UBE2O: variants seen among roughly 807,000 people sequenced by gnomAD.
UBE2O encodes (E3-independent) E2 ubiquitin-conjugating enzyme.
A neutral mutation model predicts 125.8 loss-of-function variants in UBE2O; 15 were observed. The ratio of observed to expected loss-of-function variants is 0.12; its 90% CI spans 0.08 to 0.18. UBE2O has a LOEUF of 0.18. UBE2O is among the 10% of genes least tolerant of loss of function. UBE2O has a pLI of 1.00. For synonymous variants in UBE2O, 708 were observed against 703.2 expected, an observed-to-expected ratio of 1.01 and a Z score of -0.11; for missense variants, 1,280 against 1,723.6, an observed-to-expected ratio of 0.74 and a Z score of 4.56.
intron 1 of UBE2O, among the ~76,000 whole-genome samples, chr17:76,415,575 C>A (rs528579933): frequency 6.6e-6 from 1 of 152,122 alleles, no homozygotes; most frequent in Admixed American, 6.5e-5. Context: ...GAGGGCAAGG[C>A]GGTTGGATCA....
intron 1 of UBE2O, among the ~76,000 whole-genome samples, chr17:76,440,374 A>C (rs1339516796): frequency 6.6e-6 from 1 of 152,190 alleles, no homozygotes; most frequent in African/African-American, 2.4e-5. Flanking sequence ...CCTAGGCTTA[A>C]GGGCAATGGG....
intron 1 of UBE2O, among the ~76,000 whole-genome samples, chr17:76,445,879 G>T (rs538570102): frequency 6.6e-6 from 1 of 152,230 alleles, no homozygotes; most frequent in East Asian, 1.9e-4. Flanking sequence ...AATTCCGAAC[G>T]GGCACTCTTG....
At chr17:76,438,837 A>G (rs1291498151) in intron 1 of UBE2O, among the ~76,000 whole-genome samples, 1 of 151,430 alleles carries the variant, frequency 6.6e-6, no homozygotes, top group East Asian at 1.9e-4. Flanking sequence ...TTGTGTGAGA[A>G]GTCAGCACCT....
intron 3 of UBE2O, among the ~76,000 whole-genome samples, chr17:76,403,600 T>A (rs1039083537): frequency 6.6e-6 from 1 of 152,162 alleles, no homozygotes; most frequent in Non-Finnish European, 1.5e-5. Flanking sequence ...TATTTTAATA[T>A]ACACATAGAG....
chr17:76,392,130 G>C lies in UBE2O; in HGVS notation c.2947-17C>G. On this transcript the variant is annotated splice_polypyrimidine_tract_variant and intron_variant, in intron 15 of 17. Transcript: ENST00000319380. ...GAAGAGGTCCTAGGTAGGGAGGGAG[G>C]GAGGGAGGCCAAGGTTGGCAGGGGT... The C allele has an allele frequency of 1.4e-6, 2 of 1,393,378 alleles. 1 individual carries two copies. Among genetic ancestry groups the C allele is most frequent in the Non-Finnish European group, 1.9e-6 (2 of 1,037,306 alleles). The allele number at this position is 1,393,378 out of a possible 1,614,324, so 86.3% of individuals were successfully genotyped here.
intron 1 of UBE2O, among the ~76,000 whole-genome samples, chr17:76,426,492 T>G (rs2072812520): frequency 6.6e-6 from 1 of 152,246 alleles, no homozygotes; most frequent in Non-Finnish European, 1.5e-5. Context: ...TACCATATTT[T>G]TTCTTTGCTC....
intron 1 of UBE2O, among the ~76,000 whole-genome samples, chr17:76,450,771 G>A (rs1009781349): frequency 6.6e-6 from 1 of 152,044 alleles, no homozygotes; most frequent in East Asian, 1.9e-4. Flanking sequence ...ACAGGCATGC[G>A]CCACCAAGCC....
At chr17:76,415,538 C>T (rs1239977648) in intron 1 of UBE2O, among the ~76,000 whole-genome samples, 2 of 152,182 alleles carry the variant, frequency 1.3e-5, no homozygotes, top group Non-Finnish European at 2.9e-5. Flanking sequence ...GGCGAGGTGG[C>T]TCACACCTGT....
At chr17:76,439,436 G>A (rs558754036) in intron 1 of UBE2O, among the ~76,000 whole-genome samples, 31 of 152,156 alleles carry the variant, frequency 2.0e-4, no homozygotes, top group Non-Finnish European at 3.7e-4. Flanking sequence ...AGACCAAGAC[G>A]TTATTTGCCT....
chr17:76,399,034 C>T lies in UBE2O; in HGVS notation c.1629-43G>A, dbSNP rs549208583. 1.9e-6 allele frequency: 3 copies of T among 1,603,030 alleles called. No homozygotes were observed. Reference sequence around the variant, plus strand: ...TCAGCAGGCCATGCAAACCCCACCCCCTCCGCGGAAAGGGCAGAGAGTCTT... The same window carrying T: ...TCAGCAGGCCATGCAAACCCCACCCTCTCCGCGGAAAGGGCAGAGAGTCTT... On this transcript the variant is annotated intron_variant, in intron 9 of 17. Transcript: ENST00000319380. This position sits in a 1 kb window ranked among gnomAD's most constrained non-coding sequence, Gnocchi z 6.9.
chr17:76,399,077 C>A lies in UBE2O; in HGVS notation c.1629-86G>T. 1 of 1,510,354 alleles carries A rather than the reference C, an allele frequency of 6.6e-7. No homozygotes were observed. Among genetic ancestry groups the A allele is most frequent in the South Asian group, 1.3e-5 (1 of 78,616 alleles). 93.6% of individuals were successfully genotyped at this position (1,510,354 alleles called of 1,614,324 possible). On this transcript the variant is annotated intron_variant, in intron 9 of 17. Transcript: ENST00000319380. This position sits in a 1 kb window ranked among gnomAD's most constrained non-coding sequence, Gnocchi z 6.9. ...AGAGTCTTTCTGTCCCTTCCTGTCC[C>A]TGTGGGCTTGGTAACCTGAAACTCT...
chr17:76,446,923 ATGAC>A (rs781027844), intron 1 of UBE2O, among the ~76,000 whole-genome samples: 7 of 152,244 alleles, frequency 4.6e-5, no homozygotes, highest in Non-Finnish European at 7.3e-5. Context: ...TATTTTGAGA[ATGAC>A]TGAGGGGTCA....
At chr17:76,411,576 TC>T (rs1339701018) in intron 1 of UBE2O, among the ~76,000 whole-genome samples, 1 of 152,220 alleles carries the variant, frequency 6.6e-6, no homozygotes, top group Admixed American at 6.5e-5. Flanking sequence ...TCTCCAGGTG[TC>T]AGACACCAGG....
rs1598584074 is a variant in UBE2O at position 76,398,023 on chromosome 17, C to T, written c.2026-135G>A. On this transcript the variant is annotated intron_variant, in intron 12 of 17. Coordinates refer to ENST00000319380, the MANE Select transcript of UBE2O (RefSeq NM_022066.4). This position sits in a 1 kb window ranked among gnomAD's most constrained non-coding sequence, Gnocchi z 5.4. ...AACTTAGCTCCTCTGGTAAATGTAA[C>T]CAGCGGCAGCTCAAGAAGCCTGACC... 1 of 1,064,164 alleles carries T rather than the reference C, an allele frequency of 9.4e-7. No homozygotes were observed. The highest frequency in any genetic ancestry group is 1.5e-5 in the South Asian group (1 of 68,550). 65.9% of individuals were successfully genotyped at this position (1,064,164 alleles called of 1,614,324 possible).
chr17:76,399,008 G>C lies in UBE2O; in HGVS notation c.1629-17C>G, dbSNP rs372034469. 27 of 1,612,550 alleles carry C rather than the reference G, an allele frequency of 1.7e-5. No individual in the cohort carries two copies. The highest frequency in any genetic ancestry group is 2.3e-5 in the Non-Finnish European group (27 of 1,179,440). ...ACTGCCACCCTGCGGGTGCAGGCCAGTCAGCAGGCCATGCAAACCCCACCC... is the reference window on the plus strand; with the variant it reads ...ACTGCCACCCTGCGGGTGCAGGCCACTCAGCAGGCCATGCAAACCCCACCC... On this transcript the variant is annotated splice_polypyrimidine_tract_variant and intron_variant, in intron 9 of 17. Transcript: ENST00000319380. The surrounding 1 kb of genome is among the most constrained non-coding windows in gnomAD (Gnocchi z 6.9).
Position 76,404,489 on chromosome 17 carries a change from G to A in UBE2O, c.588+717C>T, listed in dbSNP as rs1402624801. Reference sequence around the variant, plus strand: ...GGCTGGGAAGCGATTCCAGATTGGAGAGAAAATGAAGAGATGACAACTCAA... The same window carrying A: ...GGCTGGGAAGCGATTCCAGATTGGAAAGAAAATGAAGAGATGACAACTCAA... On this transcript the variant is annotated intron_variant, in intron 3 of 17. Coordinates refer to ENST00000319380, the MANE Select transcript of UBE2O (RefSeq NM_022066.4). This position sits in a 1 kb window ranked among gnomAD's most constrained non-coding sequence, Gnocchi z 4.3. Among the ~76,000 whole-genome samples, 2 of 152,244 alleles carry A rather than the reference G, an allele frequency of 1.3e-5. No individual in the cohort carries two copies. The highest frequency in any genetic ancestry group is 4.8e-5 in the African/African-American group (2 of 41,460).
At chr17:76,438,526 C>T (rs1002009767) in intron 1 of UBE2O, among the ~76,000 whole-genome samples, 2 of 152,110 alleles carry the variant, frequency 1.3e-5, no homozygotes, top group South Asian at 2.1e-4. Flanking sequence ...ATTCCTCAAA[C>T]GTCCTTCACA....
intron 1 of UBE2O, among the ~76,000 whole-genome samples, chr17:76,439,621 C>T (rs1316322284): frequency 2.0e-5 from 3 of 152,152 alleles, no homozygotes; most frequent in Non-Finnish European, 2.9e-5. Context: ...AATAAAAGCT[C>T]ACAAAGCTAA....
Position 76,396,408 on chromosome 17 carries a change from C to A in UBE2O, c.2529G>T (p.Glu843Asp), listed in dbSNP as rs1373116448. ...LTGSPTSPTVEPEKPTREKKF... is the reference protein window; with the variant it reads ...LTGSPTSPTVDPEKPTREKKF... ...TCTTCTCCCGAGTTGGCTTCTCAGG[C>A]TCCACAGTCGGAGAGGTGGGCGAGC... Residue 843 changes from glutamate (E) to aspartate (D), a missense_variant, in exon 14 of 18, where the codon GAG (glutamate) becomes GAT (aspartate). By Grantham distance (45) the Glu-to-Asp change is conservative. Around this residue, in one of 10 missense-constraint regions of UBE2O, gnomAD observed 210 missense variants for 268.9 expected, o/e 0.78. Transcript: ENST00000319380. The surrounding 1 kb of genome is among the most constrained non-coding windows in gnomAD (Gnocchi z 6.7). 5.0e-6 allele frequency: 8 copies of A among 1,614,106 alleles called. No individual in the cohort carries two copies. Among genetic ancestry groups the A allele is most frequent in the South Asian group, 2.2e-5 (2 of 91,092 alleles).
Sources: allele counts gnomAD v4.1 joint callset (sites outside exome capture counted in the v4.1 genomes callset), GRCh38; gene constraint gnomAD v4.1.1; regional missense constraint gnomAD v4.1.1; non-coding constraint Gnocchi (gnomAD v3.1); transcripts MANE v1.5; gene names NCBI Gene and HGNC (gene_info 2026-07-23, HGNC 2026-07-21).